HS6ST3: variants seen among roughly 807,000 people sequenced by gnomAD.
HS6ST3 encodes heparan sulfate 6-O-sulfotransferase 3.
A neutral mutation model predicts 36.7 loss-of-function variants in HS6ST3; 12 were observed. That is an observed-to-expected ratio of 0.33 (90% CI 0.21 to 0.53). HS6ST3 has a LOEUF of 0.53. Ranked by LOEUF, HS6ST3 falls within the 20% of genes least tolerant of loss-of-function variation. The pLI, the probability that HS6ST3 is intolerant of heterozygous loss-of-function variation, is 0.95. For missense variants in HS6ST3, 584 were observed against 640.9 expected (o/e 0.91, Z 0.96); for synonymous variants, 240 against 257.5 (o/e 0.93, Z 0.65).
At chr13:96,617,024 A>T (rs914185456) in intron 1 of HS6ST3, among the ~76,000 whole-genome samples, 6 of 152,212 alleles carry the variant, frequency 3.9e-5, no homozygotes, top group Admixed American at 3.3e-4. Flanking sequence ...AAGCCTTCCG[A>T]ACCTTAATAT....
intron 1 of HS6ST3, among the ~76,000 whole-genome samples, chr13:96,567,239 A>G (rs1355133639): frequency 6.6e-6 from 1 of 152,076 alleles, no homozygotes; most frequent in East Asian, 1.9e-4. Flanking sequence ...CCCACTAAGT[A>G]CTGAGCAAAA....
intron 1 of HS6ST3, among the ~76,000 whole-genome samples, chr13:96,103,490 C>T (rs150642156): frequency 1.9e-3 from 291 of 152,110 alleles, no homozygotes; most frequent in African/African-American, 6.8e-3. Flanking sequence ...ACTGAATAAA[C>T]GAAAGAATGA....
intron 1 of HS6ST3, among the ~76,000 whole-genome samples, chr13:96,582,655 T>C (rs1415811050): frequency 6.6e-6 from 1 of 152,192 alleles, no homozygotes; most frequent in Non-Finnish European, 1.5e-5. Context: ...TAGGTACTTA[T>C]CTGATCTCCT....
intron 1 of HS6ST3, among the ~76,000 whole-genome samples, chr13:96,707,927 T>C (rs753485232): frequency 6.6e-6 from 1 of 152,210 alleles, no homozygotes; most frequent in Non-Finnish European, 1.5e-5. Context: ...AGGCCCTCTA[T>C]TGACCATTAA....
intron 1 of HS6ST3, among the ~76,000 whole-genome samples, chr13:96,388,979 A>G (rs1366593270): frequency 1.3e-5 from 2 of 152,174 alleles, no homozygotes; most frequent in African/African-American, 2.4e-5. Context: ...ATGGACATAC[A>G]CTACTTTTGG....
chr13:96,783,910 C>T (rs1317672905), intron 1 of HS6ST3, among the ~76,000 whole-genome samples: 1 of 151,814 alleles, frequency 6.6e-6, no homozygotes, highest in African/African-American at 2.4e-5. Flanking sequence ...GGTGCTGCAC[C>T]CCAGCACTTC....
intron 1 of HS6ST3, among the ~76,000 whole-genome samples, chr13:96,497,117 A>G (rs1385590910): frequency 1.3e-5 from 2 of 152,152 alleles, no homozygotes; most frequent in Non-Finnish European, 2.9e-5. Context: ...CACCGGGGGA[A>G]GATCTCTAGT....
chr13:96,576,898 C>T (rs1311847946), intron 1 of HS6ST3, among the ~76,000 whole-genome samples: 5 of 134,084 alleles, frequency 3.7e-5, no homozygotes, highest in South Asian at 2.4e-4. Context: ...GAGCTGAGAT[C>T]GCGCCACTGC....
At chr13:96,656,992 T>TGA (rs1488139349) in intron 1 of HS6ST3, among the ~76,000 whole-genome samples, 37 of 137,268 alleles carry the variant, frequency 2.7e-4, no homozygotes, top group African/African-American at 9.5e-4. Flanking sequence ...TGTGTGTGTG[T>TGA]GTGTGTGAGA....
intron 1 of HS6ST3, among the ~76,000 whole-genome samples, chr13:96,419,210 A>G (rs1036355571): frequency 2.0e-5 from 3 of 152,230 alleles, no homozygotes; most frequent in Non-Finnish European, 4.4e-5. Flanking sequence ...TTAAAATGTA[A>G]TTAGTCAACA....
intron 1 of HS6ST3, among the ~76,000 whole-genome samples, chr13:96,503,282 G>A (rs1368313408): frequency 6.6e-6 from 1 of 152,106 alleles, no homozygotes; most frequent in East Asian, 1.9e-4. Context: ...TCACAACAGA[G>A]TAAATCAACA....
intron 1 of HS6ST3, among the ~76,000 whole-genome samples, chr13:96,358,642 A>C (rs1011549324): frequency 2.0e-5 from 3 of 151,758 alleles, no homozygotes; most frequent in Admixed American, 1.3e-4. Context: ...AAAAATAAAA[A>C]GAAAAGAGAG....
At chr13:96,817,466 A>G (rs1319818913) in intron 1 of HS6ST3, among the ~76,000 whole-genome samples, 1 of 152,208 alleles carries the variant, frequency 6.6e-6, no homozygotes, top group South Asian at 2.1e-4. Context: ...ATTAATAGGT[A>G]ATATTGATTT....
intron 1 of HS6ST3, among the ~76,000 whole-genome samples, chr13:96,237,756 C>A (rs534713072): frequency 6.6e-6 from 1 of 152,142 alleles, no homozygotes; most frequent in Non-Finnish European, 1.5e-5. Context: ...ACATCTTTGT[C>A]CTTATTGGTC....
At chr13:96,301,073 T>C (rs1192168466) in intron 1 of HS6ST3, among the ~76,000 whole-genome samples, 1 of 152,170 alleles carries the variant, frequency 6.6e-6, no homozygotes, top group East Asian at 1.9e-4. Flanking sequence ...GCACAAGAGA[T>C]GTATGCTGAG....
intron 1 of HS6ST3, among the ~76,000 whole-genome samples, chr13:96,166,390 C>T (rs1173917407): frequency 6.6e-6 from 1 of 152,132 alleles, no homozygotes. Flanking sequence ...GTTCAGCTAC[C>T]AAAACCACAT....
At chr13:96,230,904 C>T (rs1043334037) in intron 1 of HS6ST3, among the ~76,000 whole-genome samples, 3 of 151,952 alleles carry the variant, frequency 2.0e-5, no homozygotes, top group African/African-American at 7.3e-5. Context: ...GGAATGGAAC[C>T]CAAGACAAAC....
chr13:96,345,291 A>C lies in HS6ST3; in HGVS notation c.707+253722A>C, dbSNP rs2055148022. 2.6e-5 allele frequency among the ~76,000 whole-genome samples: 4 copies of C among 152,316 alleles called. No homozygotes were observed. The South Asian group carries it at 8.3e-4, about 32-fold the overall frequency. ...AATACAGCCTCTAGCAATTTACCTGAAATATTCTTATTTATATTGTTGTTT... is the reference window on the plus strand; with the variant it reads ...AATACAGCCTCTAGCAATTTACCTGCAATATTCTTATTTATATTGTTGTTT... On this transcript the variant is annotated intron_variant, in intron 1 of 1. Transcript: ENST00000376705.
At chr13:96,617,765 C>T (rs965228206) in intron 1 of HS6ST3, among the ~76,000 whole-genome samples, 2 of 152,154 alleles carry the variant, frequency 1.3e-5, no homozygotes, top group Admixed American at 6.5e-5. Context: ...CCAACTAGAG[C>T]AACTAGAGCC....
Sources: allele counts gnomAD v4.1 joint callset (sites outside exome capture counted in the v4.1 genomes callset), GRCh38; gene constraint gnomAD v4.1.1; transcripts MANE v1.5; gene names NCBI Gene and HGNC (gene_info 2026-07-23, HGNC 2026-07-21).